Variants in PCDHAC1 observed in about 807,000 individuals in gnomAD.
The protein encoded by PCDHAC1 is protocadherin alpha subfamily C, 1, also known as protocadherin alpha-C1.
In PCDHAC1, 42 loss-of-function variants were observed where a neutral mutation model predicts 60.0. That is an observed-to-expected ratio of 0.70 (90% confidence interval 0.55 to 0.90). The LOEUF is 0.90. Among genes scored for constraint, PCDHAC1 ranks in the 40% least tolerant of loss-of-function variants. PCDHAC1 has a pLI of 0.00. For missense variants in PCDHAC1, 1,160 were observed against 1,222.3 expected (o/e 0.95, Z 0.76); for synonymous variants, 468 against 499.3 (o/e 0.94, Z 0.84).
chr5:140,927,748 G>A lies in PCDHAC1; in HGVS notation c.856G>A (p.Val286Met), dbSNP rs782605586. Reference sequence around the variant, plus strand: ...AGCAGAGCTGCGACACCGCTTTCACGTGCACCCTAAAAGTGGGGAGGTGCA... The same window carrying A: ...AGCAGAGCTGCGACACCGCTTTCACATGCACCCTAAAAGTGGGGAGGTGCA... ...TQAELRHRFH[V>M]HPKSGEVQVA... The change falls in exon 1 of 4, where the codon GTG (valine) becomes ATG (methionine). Residue 286 changes from valine (V) to methionine (M), a missense_variant. Val to Met is a conservative substitution (Grantham distance 21). Transcript: ENST00000253807. 53 of 1,614,088 alleles carry A rather than the reference G, an allele frequency of 3.3e-5. No homozygotes were observed. The South Asian group carries it at 5.7e-4, about 17-fold the overall frequency.
Position 140,927,005 on chromosome 5 carries a change from A to G in PCDHAC1, c.113A>G (p.Asn38Ser), listed in dbSNP as rs1554203909. The change falls in exon 1 of 4, where the codon AAT (asparagine) becomes AGT (serine). Residue 38 changes from asparagine (N) to serine (S), a missense_variant. Asn to Ser is a conservative substitution (Grantham distance 46). Coordinates refer to ENST00000253807, the MANE Select transcript of PCDHAC1 (RefSeq NM_018898.5). ...EETERGVAVG[N>S]LSADLRLPAA... ...ACGGAGCGGGGCGTAGCCGTAGGCA[A>G]TCTCTCCGCGGACTTGAGGCTGCCA... 6 of 1,612,394 alleles carry G rather than the reference A, an allele frequency of 3.7e-6. No homozygotes were observed. The South Asian group carries it at 4.4e-5, about 12-fold the overall frequency.
chr5:141,009,116 T>C (rs1382527068), intron 3 of PCDHAC1, among the ~76,000 whole-genome samples: 1 of 152,236 alleles, frequency 6.6e-6, no homozygotes, highest in African/African-American at 2.4e-5. Flanking sequence ...TGAAACTAGA[T>C]TCTTGGTATC....
intron 1 of PCDHAC1, among the ~76,000 whole-genome samples, chr5:140,952,641 G>T (rs1033672347): frequency 1.3e-5 from 2 of 152,102 alleles, no homozygotes; most frequent in Non-Finnish European, 2.9e-5. Flanking sequence ...TCCAACCTGT[G>T]CCTGGTTACC....
intron 1 of PCDHAC1, chr5:140,969,215 C>T: frequency 6.2e-7 from 1 of 1,614,128 alleles, no homozygotes; most frequent in East Asian, 2.2e-5. Flanking sequence ...CCAGACAGGA[C>T]CAGGGCCTTC....
intron 1 of PCDHAC1, chr5:140,969,200 G>A: frequency 2.5e-6 from 4 of 1,614,132 alleles, no homozygotes; most frequent in Non-Finnish European, 3.4e-6. Context: ...TTACAATACA[G>A]GGGCCCAGAC....
intron 1 of PCDHAC1, among the ~76,000 whole-genome samples, chr5:140,971,186 G>T (rs1052745272): frequency 1.8e-4 from 28 of 152,258 alleles, no homozygotes; most frequent in African/African-American, 6.7e-4. Context: ...TAAGCCGGAA[G>T]CTCAGAGGAA....
chr5:140,946,387 T>C (rs1168775484), intron 1 of PCDHAC1, among the ~76,000 whole-genome samples: 3 of 151,786 alleles, frequency 2.0e-5, no homozygotes, highest in African/African-American at 7.3e-5. Context: ...TTGGTAGGAA[T>C]GTAAATTAGT....
At chr5:140,991,991 T>C (rs1420188681) in intron 3 of PCDHAC1, among the ~76,000 whole-genome samples, 1 of 151,444 alleles carries the variant, frequency 6.6e-6, no homozygotes, top group Admixed American at 6.6e-5. Context: ...TACCACCCGG[T>C]CTTTCATGTT....
intron 1 of PCDHAC1, chr5:140,968,059 G>A (rs1554230273): frequency 6.2e-7 from 1 of 1,614,106 alleles, no homozygotes; most frequent in South Asian, 1.1e-5. Context: ...ACCGAGAGCG[G>A]GTGGCTGTCT....
chr5:140,989,788 G>GC (rs1331311072), intron 3 of PCDHAC1, among the ~76,000 whole-genome samples: 30 of 152,276 alleles, frequency 2.0e-4, no homozygotes, highest in African/African-American at 4.6e-4. Context: ...GAGACTAGAG[G>GC]CCCCCAGGAA....
At chr5:140,938,805 A>G (rs367644327) in intron 1 of PCDHAC1, among the ~76,000 whole-genome samples, 3 of 152,162 alleles carry the variant, frequency 2.0e-5, no homozygotes, top group East Asian at 3.9e-4. Context: ...TCGGTACCAC[A>G]AACCCCTGTG....
intron 1 of PCDHAC1, among the ~76,000 whole-genome samples, chr5:140,941,595 A>T (rs1273931279): frequency 6.6e-6 from 1 of 152,016 alleles, no homozygotes; most frequent in African/African-American, 2.4e-5. Context: ...GATTACAGCC[A>T]TGAGCCATGG....
At chr5:140,964,183 C>A (rs1422782402) in intron 1 of PCDHAC1, among the ~76,000 whole-genome samples, 2 of 152,164 alleles carry the variant, frequency 1.3e-5, no homozygotes, top group Non-Finnish European at 2.9e-5. Context: ...CATTATAGTG[C>A]CAAATAGAGT....
intron 1 of PCDHAC1, chr5:140,968,646 C>T (rs2153772882): frequency 6.2e-7 from 1 of 1,614,216 alleles, no homozygotes; most frequent in Non-Finnish European, 8.5e-7. Context: ...CTAGCCCAGA[C>T]TTCTGACCTG....
chr5:140,967,601 C>A lies in PCDHAC1; in HGVS notation c.2434-11348C>A, dbSNP rs782574259. The A allele has an allele frequency of 9.3e-6, 15 of 1,614,144 alleles. No individual in the cohort carries two copies. The highest frequency in any genetic ancestry group is 1.3e-5 in the Non-Finnish European group (15 of 1,180,034). ...ACCCCCAGGCACATTGGTGGTGAAGCTGAATGCCTCAGACCCGGATGAGGG... is the reference window on the plus strand; with the variant it reads ...ACCCCCAGGCACATTGGTGGTGAAGATGAATGCCTCAGACCCGGATGAGGG... On this transcript the variant is annotated intron_variant, in intron 1 of 3. Transcript: ENST00000253807.
At chr5:140,973,207 A>C (rs1335984656) in intron 1 of PCDHAC1, among the ~76,000 whole-genome samples, 1 of 152,100 alleles carries the variant, frequency 6.6e-6, no homozygotes, top group Non-Finnish European at 1.5e-5. Flanking sequence ...GTGCATATTC[A>C]CCCTAATTCC....
At chr5:140,969,638 G>A (rs1461834971) in intron 1 of PCDHAC1, 1 of 210,658 alleles carries the variant, frequency 4.7e-6, no homozygotes, top group African/African-American at 2.4e-5. Context: ...ACAGGCCTTG[G>A]AATAGGGATT....
At chr5:140,946,631 T>TATACAC (rs57893927) in intron 1 of PCDHAC1, among the ~76,000 whole-genome samples, 2 of 131,842 alleles carry the variant, frequency 1.5e-5, no homozygotes, top group Non-Finnish European at 3.1e-5. Flanking sequence ...TATATATATA[T>TATACAC]ACAATGGAAT....
chr5:140,965,174 CT>C (rs1213439654), intron 1 of PCDHAC1, among the ~76,000 whole-genome samples: 1 of 152,110 alleles, frequency 6.6e-6, no homozygotes, highest in East Asian at 1.9e-4. Context: ...TTAGTGAGTG[CT>C]TTTTTTGCAC....
Sources: gnomAD v4.1 joint callset for allele counts (sites outside exome capture counted in the v4.1 genomes callset) on GRCh38, gnomAD v4.1.1 for gene constraint, MANE v1.5 for transcripts, NCBI Gene and HGNC (gene_info 2026-07-23, HGNC 2026-07-21) for gene names.